Variants in SLK observed in about 807,000 individuals in gnomAD.
SLK encodes STE20-like serine/threonine-protein kinase.
Under a neutral mutation model 147.7 loss-of-function variants are expected in SLK, and 67 were observed. The ratio of observed to expected loss-of-function variants is 0.45; its 90% CI spans 0.37 to 0.56. The LOEUF is 0.56. Ranked by LOEUF, SLK falls within the 20% of genes least tolerant of loss-of-function variation. The pLI, the probability that SLK is intolerant of heterozygous loss-of-function variation, is 0.00. For synonymous variants in SLK, 441 were observed against 475.0 expected, an observed-to-expected ratio of 0.93 and a Z score of 0.93; for missense variants, 1,136 against 1,438.8, an observed-to-expected ratio of 0.79 and a Z score of 3.41.
intron 1 of SLK, among the ~76,000 whole-genome samples, chr10:103,983,265 G>A (rs1328874135): frequency 2.6e-5 from 4 of 152,184 alleles, no homozygotes; most frequent in Admixed American, 6.5e-5. Context: ...TAATTTGCAT[G>A]TAATTTAAAA....
intron 8 of SLK, 93 bp downstream of exon 8, chr10:104,001,665 C>T (rs1317583673): frequency 7.3e-7 from 1 of 1,366,818 alleles, no homozygotes; most frequent in East Asian, 2.3e-5. Flanking sequence ...GGTGGCAACG[C>T]AAAACCTTTA....
chr10:104,000,016 G>A, intron 7 of SLK, 68 bp downstream of exon 7: 1 of 705,920 alleles, frequency 1.4e-6, no homozygotes, highest in Non-Finnish European at 2.3e-6. Flanking sequence ...TTCATATTCA[G>A]TGTGCTTTCT....
At chr10:104,007,907 G>C (rs949359128) in intron 11 of SLK, among the ~76,000 whole-genome samples, 3 of 152,018 alleles carry the variant, frequency 2.0e-5, no homozygotes, top group African/African-American at 7.2e-5. Context: ...AACTGTGATT[G>C]TGCAACTGCA....
At chr10:103,972,286 G>A (rs1490575413) in intron 1 of SLK, among the ~76,000 whole-genome samples, 1 of 152,190 alleles carries the variant, frequency 6.6e-6, no homozygotes, top group Non-Finnish European at 1.5e-5. Flanking sequence ...ATCCAGGAAT[G>A]GAATTGCTAG....
chr10:104,007,092 G>A (rs2134506683), intron 11 of SLK, among the ~76,000 whole-genome samples: 1 of 152,098 alleles, frequency 6.6e-6, no homozygotes, highest in South Asian at 2.1e-4. Flanking sequence ...GAATCTTAAT[G>A]TGGAAGATTG....
Position 103,992,207 on chromosome 10 carries a change from ATAC to A in SLK, c.316-390_316-388del, listed in dbSNP as rs1246064467. Among the ~76,000 whole-genome samples the A allele has an allele frequency of 3.9e-4, 48 of 123,600 alleles. No individual in the cohort carries two copies. In the South Asian group the frequency reaches 8.5e-3, roughly 22 times the overall value. The allele number at this position is 123,600 out of a possible 152,430, so 81.1% of individuals were successfully genotyped here. ...TATTTTCAGGATTTATTCCTATTTA[ATAC>A]AGTTTAAAAAAACAAATGTATATTT... is the stretch of plus-strand genomic sequence containing the variant. On this transcript the variant is annotated intron_variant, in intron 2 of 18. Coordinates refer to ENST00000369755, the MANE Select transcript of SLK (RefSeq NM_014720.4).
chr10:104,017,727 G>A (rs556647166), intron 13 of SLK, among the ~76,000 whole-genome samples: 148 of 152,288 alleles, frequency 9.7e-4, no homozygotes, highest in African/African-American at 3.3e-3. Context: ...AGAACCACCC[G>A]TGTTGGCCTT....
chr10:103,991,366 A>G (rs2134471184), intron 2 of SLK, among the ~76,000 whole-genome samples: 1 of 152,284 alleles, frequency 6.6e-6, no homozygotes, highest in African/African-American at 2.4e-5. Flanking sequence ...ACAAGTAGAT[A>G]TAGAAATAAA....
intron 16 of SLK, among the ~76,000 whole-genome samples, chr10:104,020,255 TCA>T: frequency 6.6e-6 from 1 of 152,182 alleles, no homozygotes; most frequent in Non-Finnish European, 1.5e-5. Context: ...GTAGTCATGG[TCA>T]CACACACAAA....
At chr10:103,975,852 G>A (rs1047519716) in intron 1 of SLK, among the ~76,000 whole-genome samples, 19 of 152,112 alleles carry the variant, frequency 1.2e-4, no homozygotes, top group Admixed American at 5.9e-4. Flanking sequence ...AGGTGGGAGG[G>A]TCACTTGAGC....
chr10:103,975,946 G>A (rs545939363), intron 1 of SLK, among the ~76,000 whole-genome samples: 1 of 152,118 alleles, frequency 6.6e-6, no homozygotes, highest in East Asian at 1.9e-4. Flanking sequence ...TTGAGACAGA[G>A]TCTCACCTCT....
intron 12 of SLK, 29 bp from the exon 13 acceptor site, chr10:104,010,787 C>T (rs1844389198): frequency 1.5e-6 from 2 of 1,349,298 alleles, no homozygotes; most frequent in Non-Finnish European, 2.0e-6. Flanking sequence ...GTATCATTTC[C>T]CCACCTCCTG....
Position 104,008,340 on chromosome 10 carries a change from A to T in SLK, c.2768A>T (p.Lys923Met), listed in dbSNP as rs1292686080. Residue 923 changes from lysine to methionine, a missense_variant, in exon 12 of 19, where the codon AAG becomes ATG. Physicochemically the swap from Lys to Met is moderately conservative, Grantham distance 95. Around this residue, in one of 6 missense-constraint regions of SLK, gnomAD observed 327 missense variants for 457.5 expected, o/e 0.71. Transcript: ENST00000369755. ...KELSKFQNML[K>M]NRKKEVINEV... ...TTGTCCAAATTTCAGAATATGCTGA[A>T]GAACCGAAAGAAGGAGGTAAGTGTA... The T allele has an allele frequency of 6.2e-7, 1 of 1,608,984 alleles. No homozygotes were observed.
At chr10:103,993,615 T>C (rs1844128667) in intron 4 of SLK, among the ~76,000 whole-genome samples, 1 of 152,180 alleles carries the variant, frequency 6.6e-6, no homozygotes, top group Non-Finnish European at 1.5e-5. Flanking sequence ...CTGAAGAGAA[T>C]ACCTAAACGT....
chr10:103,972,368 G>T (rs1843803983), intron 1 of SLK, among the ~76,000 whole-genome samples: 1 of 152,166 alleles, frequency 6.6e-6, no homozygotes, highest in Non-Finnish European at 1.5e-5. Flanking sequence ...ATTCCCACCA[G>T]CAGTTGAAGA....
chr10:104,018,894 A>C lies in SLK; in HGVS notation c.3118A>C (p.Lys1040Gln). 1 of 1,595,018 alleles carries C rather than the reference A, an allele frequency of 6.3e-7. No individual in the cohort carries two copies. The highest frequency in any genetic ancestry group is 8.5e-7 in the Non-Finnish European group (1 of 1,173,740). ...QYFMQRHQLL[K>Q]RHEKETEQMQ... ...TTTCATGCAAAGACATCAGCTACTT[A>C]AGCGCCACGAGAAGGTTAATGAAAG... The change falls in exon 15 of 19, where the codon AAG becomes CAG. Residue 1040 changes from lysine to glutamine, a missense_variant. This residue lies in a region of SLK where 327 missense variants were observed against 457.5 expected (regional missense o/e 0.71). Transcript: ENST00000369755.
chr10:104,018,671 T>A, intron 14 of SLK, 113 bp from the exon 15 acceptor site: 1 of 1,069,804 alleles, frequency 9.3e-7, no homozygotes, highest in East Asian at 2.5e-5. Context: ...AATGTCAACA[T>A]GTGTGTACGA....
chr10:103,967,837 A>T lies in SLK; in HGVS notation c.92A>T (p.Glu31Val). The change falls in exon 1 of 19, where the codon GAA becomes GTA. Residue 31 changes from glutamate to valine, a missense_variant. This residue lies in a region of SLK where 126 missense variants were observed against 141.3 expected (regional missense o/e 0.89). Transcript: ENST00000369755. ...CACGTGAAGAGGGACCTGAACCCCG[A>T]AGACTTTTGGGAGATTATAGGAGAA... is the stretch of plus-strand genomic sequence containing the variant. ...YEHVKRDLNP[E>V]DFWEIIGELG... 6.2e-7 allele frequency: 1 copy of T among 1,614,152 alleles called. No individual in the cohort carries two copies. Among genetic ancestry groups the T allele is most frequent in the Non-Finnish European group, 8.5e-7 (1 of 1,179,998 alleles).
At position 104,019,728 on chromosome 10, in the gene SLK, T is replaced by G. The variant is rs553720818; in HGVS notation, c.3133-6T>G. The G allele has an allele frequency of 8.1e-6, 13 of 1,609,856 alleles. No homozygotes were observed. In the African/African-American group the frequency reaches 1.7e-4, roughly 22 times the overall value. ...CGTCACTGGATTCTATTTAAAACTTTCATAGGAAACAGAGCAAATGCAGCG... is the reference window on the plus strand; with the variant it reads ...CGTCACTGGATTCTATTTAAAACTTGCATAGGAAACAGAGCAAATGCAGCG... On this transcript the variant is annotated splice_region_variant and splice_polypyrimidine_tract_variant and intron_variant, in intron 15 of 18. Transcript: ENST00000369755.
Sources: gnomAD v4.1 joint callset for allele counts (sites outside exome capture counted in the v4.1 genomes callset) on GRCh38, gnomAD v4.1.1 for gene constraint, gnomAD v4.1.1 regional missense constraint, MANE v1.5 for transcripts, NCBI Gene and HGNC (gene_info 2026-07-23, HGNC 2026-07-21) for gene names.